RIMBP2: variants seen among roughly 807,000 people sequenced by gnomAD.
The protein encoded by RIMBP2 is RIMS binding protein 2.
In RIMBP2, 48 loss-of-function variants were observed where a neutral mutation model predicts 118.6. That is an observed-to-expected ratio of 0.40 (90% CI 0.32 to 0.51). The LOEUF (loss-of-function observed/expected upper bound fraction) is 0.51, where lower values mean the gene tolerates loss of function less well. Ranked by LOEUF, RIMBP2 falls within the 20% of genes least tolerant of loss-of-function variation. The pLI, the probability that RIMBP2 is intolerant of heterozygous loss-of-function variation, is 0.41. For synonymous variants in RIMBP2, 762 were observed against 742.9 expected (o/e 1.03, Z -0.42); for missense variants, 1,551 against 1,768.3 (o/e 0.88, Z 2.20).
chr12:130,446,404 A>T lies in RIMBP2; in HGVS notation c.582-1135T>A, dbSNP rs990580830. Reference sequence around the variant, plus strand: ...CTCAATGGCTGAGTGAGGTCAGGCAACATGCCCAAAGTCACAAGCTTATGA... The same window carrying T: ...CTCAATGGCTGAGTGAGGTCAGGCATCATGCCCAAAGTCACAAGCTTATGA... On this transcript the variant is annotated intron_variant, in intron 9 of 22. Coordinates refer to ENST00000690449, the MANE Select transcript of RIMBP2 (RefSeq NM_001393629.1). This position sits in a 1 kb window ranked among gnomAD's most constrained non-coding sequence, Gnocchi z 4.1. Among the ~76,000 whole-genome samples, 5 of 152,226 alleles carry T rather than the reference A, an allele frequency of 3.3e-5. No individual in the cohort carries two copies. The highest frequency in any genetic ancestry group is 5.9e-5 in the Non-Finnish European group (4 of 68,042).
chr12:130,417,924 C>T (rs990182839), intron 17 of RIMBP2, among the ~76,000 whole-genome samples: 1 of 152,024 alleles, frequency 6.6e-6, no homozygotes, highest in African/African-American at 2.4e-5. Flanking sequence ...GGTCTCACAA[C>T]ACCATCAGGG....
In RIMBP2 at chr12:130,646,468, T is replaced by TACCTCCCTCGCC. The variant is rs2062979539; in HGVS notation, c.-351-18013_-351-18012insGGCGAGGGAGGT. 8.1e-5 allele frequency among the ~76,000 whole-genome samples: 2 copies of TACCTCCCTCGCC among 24,566 alleles called. 1 individual carries two copies. The highest frequency in any genetic ancestry group is 2.2e-4 in the African/African-American group (2 of 8,908). The allele number at this position is 24,566 out of a possible 152,430, so 16.1% of individuals were successfully genotyped here. On this transcript the variant is annotated intron_variant, in intron 1 of 22. Transcript: ENST00000690449. ...CCACCTCCCTCGCCACCTCCCTCGC[T>TACCTCCCTCGCC]ACCTCCCTCACTACTGCAAAAGGGA...
chr12:130,494,926 C>T (rs974617100), intron 4 of RIMBP2, among the ~76,000 whole-genome samples: 2 of 152,218 alleles, frequency 1.3e-5, no homozygotes, highest in East Asian at 1.9e-4. Flanking sequence ...CGGATCCTCT[C>T]GTGGAACCTC....
chr12:130,476,579 T>C (rs932897737), intron 5 of RIMBP2, among the ~76,000 whole-genome samples: 1 of 152,222 alleles, frequency 6.6e-6, no homozygotes, highest in Non-Finnish European at 1.5e-5. Flanking sequence ...TGCGCTGGGC[T>C]GGTTCCCAAG....
intron 3 of RIMBP2, among the ~76,000 whole-genome samples, chr12:130,515,583 C>T (rs1463819725): frequency 2.6e-5 from 4 of 152,206 alleles, no homozygotes. Flanking sequence ...TTCCATTGGA[C>T]ACATATGTCA....
At chr12:130,440,495 A>G (rs1028868199) in intron 11 of RIMBP2, among the ~76,000 whole-genome samples, 7 of 151,954 alleles carry the variant, frequency 4.6e-5, no homozygotes, top group Non-Finnish European at 8.8e-5. Flanking sequence ...CTCTACCTGA[A>G]TCTCTCCATC....
At chr12:130,611,798 C>T (rs1295639691) in intron 2 of RIMBP2, among the ~76,000 whole-genome samples, 1 of 152,128 alleles carries the variant, frequency 6.6e-6, no homozygotes, top group Non-Finnish European at 1.5e-5. Context: ...GAACCCATGT[C>T]GACCCATGAA....
At chr12:130,464,926 C>A (rs2080324356) in intron 6 of RIMBP2, 1 of 152,262 alleles carries the variant, frequency 6.6e-6, no homozygotes, top group Non-Finnish European at 1.5e-5. Flanking sequence ...GCTTCAGGGG[C>A]CCACAGACAT....
chr12:130,448,736 C>T (rs1319584576), intron 9 of RIMBP2, among the ~76,000 whole-genome samples: 1 of 152,256 alleles, frequency 6.6e-6, no homozygotes, highest in Admixed American at 6.5e-5. Flanking sequence ...TGGGCCTGCC[C>T]CCACCTGGGT....
intron 2 of RIMBP2, among the ~76,000 whole-genome samples, chr12:130,615,404 G>A (rs937312012): frequency 2.6e-5 from 4 of 151,038 alleles, no homozygotes; most frequent in Admixed American, 6.6e-5. Flanking sequence ...TCTACCTCCC[G>A]GGTTCAAGCA....
rs1444094686 is a variant in RIMBP2, at chr12:130,578,899, A to G, written c.-217+49423T>C. Among the ~76,000 whole-genome samples, 1 of 152,254 alleles carries G rather than the reference A, an allele frequency of 6.6e-6. No homozygotes were observed. The highest frequency in any genetic ancestry group is 2.4e-5 in the African/African-American group (1 of 41,480). ...GTGTCTGACACCGTCTTTCATTATT[A>G]AATATATTCATAGTTCTGCGGTGAA... is the stretch of plus-strand genomic sequence containing the variant. On this transcript the variant is annotated intron_variant, in intron 2 of 22. Transcript: ENST00000690449. The surrounding 1 kb of genome is among the most constrained non-coding windows in gnomAD (Gnocchi z 4.1).
In RIMBP2 at chr12:130,639,772, T is replaced by G. The variant is rs1396871503; in HGVS notation, c.-351-11316A>C. On this transcript the variant is annotated intron_variant, in intron 1 of 22. Coordinates refer to ENST00000690449, the MANE Select transcript of RIMBP2 (RefSeq NM_001393629.1). ...AACTATTTTGTTGAATGAAGTATTT[T>G]ATTTCTTGTATCTCCACTTAGCTAC... 4.6e-5 allele frequency among the ~76,000 whole-genome samples: 7 copies of G among 152,208 alleles called. No homozygotes were observed. In the East Asian group the frequency reaches 1.3e-3, roughly 29 times the overall value.
At chr12:130,468,625 C>T (rs777324472) in intron 6 of RIMBP2, among the ~76,000 whole-genome samples, 6 of 152,158 alleles carry the variant, frequency 3.9e-5, no homozygotes, top group Non-Finnish European at 7.3e-5. Flanking sequence ...CGCAGGCAGC[C>T]TCCCTGGCCT....
intron 2 of RIMBP2, among the ~76,000 whole-genome samples, chr12:130,567,298 G>A (rs142485966): frequency 6.6e-5 from 10 of 152,292 alleles, no homozygotes; most frequent in Middle Eastern, 6.8e-3. Context: ...GGCAGCTGGC[G>A]TATGCACCAC....
chr12:130,579,173 A>G (rs1477900374), intron 2 of RIMBP2, among the ~76,000 whole-genome samples: 1 of 152,138 alleles, frequency 6.6e-6, no homozygotes. Context: ...GGCTGATTGC[A>G]AGCCCGGCTG....
chr12:130,691,924 G>A (rs537089344), intron 1 of RIMBP2, among the ~76,000 whole-genome samples: 2 of 152,280 alleles, frequency 1.3e-5, no homozygotes, highest in East Asian at 3.9e-4. Context: ...CATGGCAGGG[G>A]GACGGGTTTC....
Position 130,431,178 on chromosome 12 carries a change from C to A in RIMBP2, c.2254-2841G>T, listed in dbSNP as rs973023660. On this transcript the variant is annotated intron_variant, in intron 14 of 22. Transcript: ENST00000690449. The surrounding 1 kb of genome is among the most constrained non-coding windows in gnomAD (Gnocchi z 4.0). ...GCCTCCCTTCTTTCATTCATTCATT[C>A]GACAAACATTCATTGAGCACCTACT... 1.3e-5 allele frequency among the ~76,000 whole-genome samples: 2 copies of A among 152,094 alleles called. No individual in the cohort carries two copies. The highest frequency in any genetic ancestry group is 4.8e-5 in the African/African-American group (2 of 41,404).
chr12:130,646,155 C>G (rs866105807), intron 1 of RIMBP2, among the ~76,000 whole-genome samples: 5 of 78,624 alleles, frequency 6.4e-5, no homozygotes, highest in East Asian at 3.4e-4. Context: ...ACCTGCCTCT[C>G]CACCTCCCTC....
rs1474128283 is a variant in RIMBP2, at chr12:130,670,753, T to A, written c.-351-42297A>T. 6.6e-6 allele frequency among the ~76,000 whole-genome samples: 1 copy of A among 152,146 alleles called. No individual in the cohort carries two copies. The highest frequency in any genetic ancestry group is 1.5e-5 in the Non-Finnish European group (1 of 68,026). On this transcript the variant is annotated intron_variant, in intron 1 of 22. Transcript: ENST00000690449. The surrounding 1 kb of genome is among the most constrained non-coding windows in gnomAD (Gnocchi z 4.9). The stretch of plus-strand genomic sequence containing the variant: ...CTCATGAGAAGTCTGTTAAAGAAGA[T>A]TTAGGAAGACTTTTCTTTCCATTTA...
Sources: allele counts gnomAD v4.1 joint callset (sites outside exome capture counted in the v4.1 genomes callset), GRCh38; gene constraint gnomAD v4.1.1; non-coding constraint Gnocchi (gnomAD v3.1); transcripts MANE v1.5; gene names NCBI Gene and HGNC (gene_info 2026-07-23, HGNC 2026-07-21).